The following KLHDC4 variants were observed in gnomAD, a reference collection of about 807,000 sequenced individuals.
The protein encoded by KLHDC4 is kelch domain-containing protein 4.
In KLHDC4, 90 loss-of-function variants were observed where a neutral mutation model predicts 62.4. That is an observed-to-expected ratio of 1.44 (90% CI 1.22 to 1.72). The LOEUF (loss-of-function observed/expected upper bound fraction) is 1.72, where lower values mean the gene tolerates loss of function less well. Among genes scored for constraint, KLHDC4 ranks in the 40% most tolerant of loss-of-function variants. The pLI is 0.00. For synonymous variants in KLHDC4, 386 were observed against 284.4 expected (o/e 1.36, Z -3.59); for missense variants, 1,025 against 699.7 (o/e 1.47, Z -5.25).
chr16:87,720,609 G>T (rs1243847944), intron 7 of KLHDC4, among the ~76,000 whole-genome samples: 1 of 152,230 alleles, frequency 6.6e-6, no homozygotes, highest in African/African-American at 2.4e-5. Flanking sequence ...TGCGGGGCTT[G>T]GGAGAGAGGG....
intron 7 of KLHDC4, among the ~76,000 whole-genome samples, chr16:87,721,864 C>A (rs532744087): frequency 6.6e-6 from 1 of 152,080 alleles, no homozygotes; most frequent in Non-Finnish European, 1.5e-5. Flanking sequence ...AGGAGGGCCC[C>A]GTCCTCAGCA....
At chr16:87,714,193 C>G (rs1422034126) in intron 8 of KLHDC4, among the ~76,000 whole-genome samples, 1 of 152,168 alleles carries the variant, frequency 6.6e-6, no homozygotes. Flanking sequence ...TTGGAGGGGC[C>G]CATCAGGAGC....
intron 5 of KLHDC4, among the ~76,000 whole-genome samples, chr16:87,733,120 T>C (rs1464067726): frequency 3.3e-4 from 42 of 125,436 alleles, no homozygotes; most frequent in Non-Finnish European, 5.6e-4. Context: ...CCAGCTTCTA[T>C]CGGTGAAAAG....
Position 87,709,323 on chromosome 16 carries a change from C to T in KLHDC4, c.1389G>A (p.Leu463=). Reference sequence around the variant, plus strand: ...CCATCCTGTGCAGGTCCAGGCAGTGCAGGTCGCTGAGGGTGACCTGGCGGT... The same window carrying T: ...CCATCCTGTGCAGGTCCAGGCAGTGTAGGTCGCTGAGGGTGACCTGGCGGT... ...AGDRQVTLSD[L]HCLDLHRMEA... Residue 463 remains leucine, a synonymous_variant, in exon 10 of 12, where the codon CTG becomes CTA. Coordinates refer to ENST00000270583, the MANE Select transcript of KLHDC4 (RefSeq NM_017566.4). 6.2e-7 allele frequency: 1 copy of T among 1,613,326 alleles called. No individual in the cohort carries two copies. Among genetic ancestry groups the T allele is most frequent in the Non-Finnish European group, 8.5e-7 (1 of 1,179,926 alleles).
chr16:87,732,115 T>TA (rs2040487275), intron 5 of KLHDC4, among the ~76,000 whole-genome samples: 1 of 147,740 alleles, frequency 6.8e-6, no homozygotes, highest in African/African-American at 2.5e-5. Context: ...TTTTTTTTTT[T>TA]GAGACAGCGT....
chr16:87,702,952 T>C (rs776176330), downstream of KLHDC4: 7 of 152,400 alleles, frequency 4.6e-5, no homozygotes, highest in Non-Finnish European at 1.0e-4. Flanking sequence ...AAAAAAGTTT[T>C]CCTAAATGAA....
chr16:87,707,772 G>T (rs368963871), downstream of KLHDC4: 2 of 333,538 alleles, frequency 6.0e-6, no homozygotes, highest in East Asian at 8.2e-5. Context: ...GGAAGACTGC[G>T]GTGTGCCTAG....
At chr16:87,701,860 G>A (rs758302303) in exon 1 of KLHDC4, 43 of 456,478 alleles carry the variant, frequency 9.4e-5, no homozygotes, top group Non-Finnish European at 1.3e-4. Flanking sequence ...CATCCACACC[G>A]AGGAAGCCTC....
intron 2 of KLHDC4, among the ~76,000 whole-genome samples, chr16:87,757,782 C>A (rs1195302678): frequency 6.6e-6 from 1 of 151,984 alleles, no homozygotes; most frequent in East Asian, 1.9e-4. Context: ...ATCCCAGCTA[C>A]TCAGGAGGCT....
At chr16:87,706,789 C>T (rs570664511), downstream of KLHDC4, among the ~76,000 whole-genome samples, 58 of 152,176 alleles carry the variant, frequency 3.8e-4, no homozygotes, top group Non-Finnish European at 7.5e-4. Flanking sequence ...TCCTGAGAGG[C>T]GACACTTCTC....
intron 4 of KLHDC4, among the ~76,000 whole-genome samples, chr16:87,754,272 G>C (rs2044505418): frequency 6.6e-6 from 1 of 152,124 alleles, no homozygotes; most frequent in South Asian, 2.1e-4. Context: ...CTTCAACCTG[G>C]GGGGCAGAGG....
At chr16:87,761,232 C>T (rs989713690) in intron 2 of KLHDC4, among the ~76,000 whole-genome samples, 2 of 152,204 alleles carry the variant, frequency 1.3e-5, no homozygotes, top group African/African-American at 4.8e-5. Context: ...CACCTCTGGG[C>T]AGGTGATGAT....
intron 5 of KLHDC4, among the ~76,000 whole-genome samples, chr16:87,740,292 G>A (rs575895435): frequency 1.3e-5 from 2 of 152,182 alleles, no homozygotes; most frequent in Admixed American, 1.3e-4. Context: ...CCCGACATGT[G>A]TGCATCCCGA....
At chr16:87,763,684 G>C (rs1035174414) in intron 1 of KLHDC4, 8 of 152,166 alleles carry the variant, frequency 5.3e-5, no homozygotes, top group African/African-American at 1.9e-4. Flanking sequence ...TGCTCAACGA[G>C]GTTAAACAAA....
At chr16:87,759,895 A>T (rs1597407115) in intron 2 of KLHDC4, among the ~76,000 whole-genome samples, 1 of 152,210 alleles carries the variant, frequency 6.6e-6, no homozygotes, top group South Asian at 2.1e-4. Context: ...CACCAGCGGC[A>T]CCAGCCCAGG....
rs141807379 is a variant in KLHDC4, at chr16:87,709,371, A to T, written c.1341T>A (p.Tyr447Ter). 1 of 1,613,414 alleles carries T rather than the reference A, an allele frequency of 6.2e-7. No individual in the cohort carries two copies. The highest frequency in any genetic ancestry group is 2.2e-5 in the East Asian group (1 of 44,870). Residue 447 changes from tyrosine to a stop codon, truncating the protein, a stop_gained, in exon 10 of 12, where the codon TAT becomes TAA. Transcript: ENST00000270583. LOFTEE classifies it high-confidence loss of function. ...GGTCGCCGGCCTCAAACATGCCCCC[A>T]TAGACGTAGAGCACCCCATGCTTCA... The part of the protein sequence containing the change: ...LAVKHGVLYV[Y>*]GGMFEAGDRQ...
At chr16:87,725,745 TGAG>T (rs1462147040) in intron 7 of KLHDC4, among the ~76,000 whole-genome samples, 1 of 151,862 alleles carries the variant, frequency 6.6e-6, no homozygotes, top group Non-Finnish European at 1.5e-5. Flanking sequence ...CAGGCACATG[TGAG>T]GAGCACACAC....
intron 6 of KLHDC4, chr16:87,729,388 G>C (rs1218381499): frequency 2.0e-5 from 3 of 152,132 alleles, no homozygotes; most frequent in African/African-American, 7.2e-5. Flanking sequence ...AGAGAAAGAG[G>C]GCTTCAAATG....
intron 7 of KLHDC4, among the ~76,000 whole-genome samples, chr16:87,725,716 G>T (rs8060890): frequency 0.057 from 8,702 of 152,212 alleles, 310 homozygotes; most frequent in South Asian, 0.15. Flanking sequence ...CCTCTGTGAA[G>T]CACACGCCCC....
Sources: allele counts gnomAD v4.1 joint callset (sites outside exome capture counted in the v4.1 genomes callset), GRCh38; gene constraint gnomAD v4.1.1; transcripts MANE v1.5; gene names NCBI Gene and HGNC (gene_info 2026-07-23, HGNC 2026-07-21).